Variants in BACH2 observed in about 807,000 individuals in gnomAD.
BACH2 encodes the protein transcription regulator protein BACH2.
A neutral mutation model predicts 61.8 loss-of-function variants in BACH2; 5 were observed. The observed-to-expected ratio is 0.08, with a 90% CI of 0.04 to 0.17. The LOEUF (loss-of-function observed/expected upper bound fraction) is 0.17, where lower values mean the gene tolerates loss of function less well. Ranked by LOEUF, BACH2 falls within the 10% of genes least tolerant of loss-of-function variation. The pLI is 1.00. For synonymous variants in BACH2, 446 were observed against 440.1 expected, an observed-to-expected ratio of 1.01 and a Z score of -0.17; for missense variants, 824 against 1,091.1, an observed-to-expected ratio of 0.76 and a Z score of 3.45.
rs181808325 is a variant in BACH2, at chr6:90,132,903, C to T, written c.-161-43794G>A. Among the ~76,000 whole-genome samples the T allele has an allele frequency of 1.6e-3, 242 of 152,328 alleles. 4 individuals are homozygous for T. The South Asian group carries it at 0.03, about 19-fold the overall frequency. On this transcript the variant is annotated intron_variant, in intron 4 of 8. Coordinates refer to ENST00000257749, the MANE Select transcript of BACH2 (RefSeq NM_021813.4). The stretch of plus-strand genomic sequence containing the variant: ...ATATCATCTTTTCCCACCCAAAGTG[C>T]CCACTTCTGTCCAGTTACGCTCCAA...
intron 5 of BACH2, among the ~76,000 whole-genome samples, chr6:90,032,974 T>C (rs1036135822): frequency 2.6e-5 from 4 of 152,086 alleles, no homozygotes; most frequent in African/African-American, 4.8e-5. Flanking sequence ...CCAACAATGA[T>C]AGACTGGATT....
Position 90,008,541 on chromosome 6 carries a change from A to G in BACH2, c.243+61T>C, listed in dbSNP as rs1280705132. ...CTAGTACATCTTCTAGCTCCTAGTC[A>G]GCCAGTTTTCTGTAAGTCAATAAAC... On this transcript the variant is annotated intron_variant, in intron 6 of 8. Transcript: ENST00000257749. The surrounding 1 kb of genome is among the most constrained non-coding windows in gnomAD (Gnocchi z 4.1). 8 of 1,598,008 alleles carry G rather than the reference A, an allele frequency of 5.0e-6. No homozygotes were observed. In the Middle Eastern group the frequency reaches 6.5e-4, roughly 129 times the overall value.
intron 6 of BACH2, among the ~76,000 whole-genome samples, chr6:89,989,347 G>T (rs1190376203): frequency 2.6e-5 from 4 of 152,044 alleles, no homozygotes; most frequent in African/African-American, 9.7e-5. Flanking sequence ...TTGACTTTCT[G>T]TTTCTATGAA....
At chr6:90,032,549 T>C (rs1779045636) in intron 5 of BACH2, among the ~76,000 whole-genome samples, 1 of 145,698 alleles carries the variant, frequency 6.9e-6, no homozygotes, top group African/African-American at 2.6e-5. Flanking sequence ...GGGTGAAGGA[T>C]ATGAACAGAC....
intron 1 of BACH2, among the ~76,000 whole-genome samples, chr6:90,275,425 A>G (rs1169279480): frequency 6.6e-6 from 1 of 150,806 alleles, no homozygotes; most frequent in Admixed American, 6.6e-5. Flanking sequence ...AATAAGCTCA[A>G]ATCCTAACCA....
chr6:90,259,521 G>A (rs528570251), intron 2 of BACH2, among the ~76,000 whole-genome samples: 1 of 152,240 alleles, frequency 6.6e-6, no homozygotes, highest in South Asian at 2.1e-4. Context: ...GAGAAATTGG[G>A]TTTAAATTTT....
chr6:90,151,118 T>A (rs142085096), intron 4 of BACH2, among the ~76,000 whole-genome samples: 29 of 152,266 alleles, frequency 1.9e-4, no homozygotes, highest in African/African-American at 6.3e-4. Context: ...GCATAGATCT[T>A]TCCACTTTTT....
chr6:90,032,287 T>C (rs542317076), intron 5 of BACH2, among the ~76,000 whole-genome samples: 11 of 149,468 alleles, frequency 7.4e-5, no homozygotes, highest in African/African-American at 2.0e-4. Flanking sequence ...ATTCAGGACA[T>C]AGGCATGGGC....
chr6:90,284,560 T>G (rs937719595), intron 1 of BACH2, among the ~76,000 whole-genome samples: 14 of 152,184 alleles, frequency 9.2e-5, no homozygotes, highest in Non-Finnish European at 1.8e-4. Context: ...CAGCCACATT[T>G]CCCTCAAACA....
chr6:90,182,054 G>A (rs1329124406), intron 4 of BACH2, among the ~76,000 whole-genome samples: 5 of 152,046 alleles, frequency 3.3e-5, no homozygotes, highest in South Asian at 2.1e-4. Context: ...ACAACCAATC[G>A]TCCTTTGAAC....
At chr6:90,117,733 A>G (rs192051410) in intron 4 of BACH2, among the ~76,000 whole-genome samples, 2 of 152,270 alleles carry the variant, frequency 1.3e-5, no homozygotes, top group Admixed American at 1.3e-4. Flanking sequence ...TAGAGAGTGT[A>G]TATGTGGTTA....
intron 8 of BACH2, among the ~76,000 whole-genome samples, chr6:89,935,219 TC>T (rs926082056): frequency 6.6e-6 from 1 of 151,982 alleles, no homozygotes; most frequent in Non-Finnish European, 1.5e-5. Flanking sequence ...GGACATAGCA[TC>T]CTCACCACAG....
At position 90,189,610 on chromosome 6, in the gene BACH2, G is replaced by A. The variant is rs377188780; in HGVS notation, c.-162+16959C>T. On this transcript the variant is annotated intron_variant, in intron 4 of 8. Coordinates refer to ENST00000257749, the MANE Select transcript of BACH2 (RefSeq NM_021813.4). Reference sequence around the variant, plus strand: ...GGCCTGGGCGACAGAGCGAGACTCCGTCTCAAAAAAAAAAAAAAAAAAAAA... The same window carrying A: ...GGCCTGGGCGACAGAGCGAGACTCCATCTCAAAAAAAAAAAAAAAAAAAAA... Among the ~76,000 whole-genome samples the A allele has an allele frequency of 8.3e-3, 814 of 98,028 alleles. 13 individuals are homozygous for A. Among genetic ancestry groups the A allele is most frequent in the African/African-American group, 0.035 (758 of 21,954 alleles). The allele number at this position is 98,028 out of a possible 152,430, so 64.3% of individuals were successfully genotyped here. A position where few individuals can be genotyped will look rare whatever the true frequency, so the allele number is the denominator to read the frequency against.
chr6:90,115,049 A>G (rs2127817490), intron 4 of BACH2, among the ~76,000 whole-genome samples: 1 of 152,336 alleles, frequency 6.6e-6, no homozygotes, highest in East Asian at 1.9e-4. Context: ...AAAACATCCC[A>G]TGCGCGTGGA....
At chr6:90,165,079 G>A (rs2127834749) in intron 4 of BACH2, among the ~76,000 whole-genome samples, 1 of 152,302 alleles carries the variant, frequency 6.6e-6, no homozygotes, top group Non-Finnish European at 1.5e-5. Flanking sequence ...TTAGGCAGGA[G>A]AAGGAAATAA....
At chr6:90,295,051 T>TA (rs1772296366) in intron 1 of BACH2, among the ~76,000 whole-genome samples, 1 of 152,154 alleles carries the variant, frequency 6.6e-6, no homozygotes, top group Non-Finnish European at 1.5e-5. Flanking sequence ...ACTGCAGCAC[T>TA]AGACAGCGAA....
intron 4 of BACH2, among the ~76,000 whole-genome samples, chr6:90,092,714 A>G (rs1234986841): frequency 6.6e-6 from 1 of 152,232 alleles, no homozygotes; most frequent in East Asian, 1.9e-4. Flanking sequence ...AAGAAGATGT[A>G]ACAAAAAAAG....
At chr6:90,291,908 G>A (rs1772192124) in intron 1 of BACH2, among the ~76,000 whole-genome samples, 1 of 152,178 alleles carries the variant, frequency 6.6e-6, no homozygotes, top group Non-Finnish European at 1.5e-5. Context: ...CTTCTGAACT[G>A]TGAGTACCTC....
At chr6:90,120,980 C>CT (rs1427844624) in intron 4 of BACH2, among the ~76,000 whole-genome samples, 2 of 152,136 alleles carry the variant, frequency 1.3e-5, no homozygotes, top group Non-Finnish European at 2.9e-5. Context: ...TAGAGGAAAT[C>CT]TGCCATTGAA....
Sources: allele counts gnomAD v4.1 joint callset (sites outside exome capture counted in the v4.1 genomes callset), GRCh38; gene constraint gnomAD v4.1.1; non-coding constraint Gnocchi (gnomAD v3.1); transcripts MANE v1.5; gene names NCBI Gene and HGNC (gene_info 2026-07-23, HGNC 2026-07-21).